Variants in SYK observed in about 807,000 individuals in gnomAD.
SYK encodes the protein tyrosine-protein kinase SYK.
A neutral mutation model predicts 77.8 loss-of-function variants in SYK; 16 were observed. That is an observed-to-expected ratio of 0.21 (90% CI 0.14 to 0.31). The LOEUF (loss-of-function observed/expected upper bound fraction) is 0.31. Among genes scored for constraint, SYK ranks in the 10% least tolerant of loss-of-function variants. SYK has a pLI of 1.00. For synonymous variants in SYK, 312 were observed against 308.7 expected (o/e 1.01, Z -0.11); for missense variants, 529 against 814.4 (o/e 0.65, Z 4.26).
At chr9:90,876,689 G>A (rs1587901547) in intron 9 of SYK, among the ~76,000 whole-genome samples, 2 of 152,188 alleles carry the variant, frequency 1.3e-5, no homozygotes, top group African/African-American at 2.4e-5. Context: ...AGGCTCTCTC[G>A]GTCAATTTGG....
chr9:90,825,300 C>T (rs1417907158), intron 1 of SYK, among the ~76,000 whole-genome samples: 1 of 152,162 alleles, frequency 6.6e-6, no homozygotes, highest in African/African-American at 2.4e-5. Context: ...TTCTGCCAAG[C>T]TTGATCTGTA....
At chr9:90,842,155 T>G (rs924622694) in intron 1 of SYK, among the ~76,000 whole-genome samples, 2 of 150,600 alleles carry the variant, frequency 1.3e-5, no homozygotes, top group African/African-American at 2.4e-5. Context: ...GCAGTGTGTG[T>G]TGTTTGTAGT....
rs2118629729 is a variant in SYK, at chr9:90,843,988, C to G, written c.90C>G (p.Val30=). 6.2e-7 allele frequency: 1 copy of G among 1,609,514 alleles called. No homozygotes were observed. The highest frequency in any genetic ancestry group is 8.5e-7 in the Non-Finnish European group (1 of 1,177,692). The change falls in exon 2 of 14, where the codon GTC becomes GTG. Residue 30 remains valine (V), a synonymous_variant. Transcript: ENST00000375754. The stretch of plus-strand genomic sequence containing the variant: ...GGGAGGAGGCAGAAGATTACCTGGT[C>G]CAGGGGGGCATGAGTGATGGGCTTT... ...ITREEAEDYL[V]QGGMSDGLYL...
Position 90,895,370 on chromosome 9 carries a change from T to G in SYK, c.1836-158T>G, listed in dbSNP as rs1019582889. Among the ~76,000 whole-genome samples, 1 of 152,170 alleles carries G rather than the reference T, an allele frequency of 6.6e-6. No homozygotes were observed. The highest frequency in any genetic ancestry group is 2.4e-5 in the African/African-American group (1 of 41,426). ...ATTTTTGACAGCCTTGTGGTCACCC[T>G]GGGGTGGGGGGCACAGGGACCACGC... On this transcript the variant is annotated intron_variant, in intron 13 of 13. Coordinates refer to ENST00000375754, the MANE Select transcript of SYK (RefSeq NM_003177.7). This position sits in a 1 kb window ranked among gnomAD's most constrained non-coding sequence, Gnocchi z 4.4.
chr9:90,862,100 G>A (rs1292608059), intron 3 of SYK, 106 bp from the exon 4 acceptor site: 2 of 1,360,840 alleles, frequency 1.5e-6, no homozygotes, highest in South Asian at 3.5e-5. Context: ...CAGGTGACAG[G>A]CCCCAGAGAG....
rs114453633 is a variant in SYK, at chr9:90,851,091, G to A, written c.578+5497G>A. ...CTTATTGTTTTTCAAACAAGAACTC[G>A]GGTGTGGAGGAGCTTGTCCAAGGCA... is the stretch of plus-strand genomic sequence containing the variant. On this transcript the variant is annotated intron_variant, in intron 3 of 13. Transcript: ENST00000375754. Among the ~76,000 whole-genome samples the A allele has an allele frequency of 2.4e-3, 359 of 152,250 alleles. 1 individual carries two copies. Among genetic ancestry groups the A allele is most frequent in the African/African-American group, 8.2e-3 (341 of 41,534 alleles).
intron 3 of SYK, among the ~76,000 whole-genome samples, chr9:90,845,982 C>T (rs1488309910): frequency 1.3e-5 from 2 of 152,204 alleles, no homozygotes; most frequent in Non-Finnish European, 2.9e-5. Flanking sequence ...TCAGACTTTA[C>T]TTCTATTTTA....
At chr9:90,854,008 C>T (rs911823748) in intron 3 of SYK, among the ~76,000 whole-genome samples, 13 of 152,182 alleles carry the variant, frequency 8.5e-5, no homozygotes, top group Non-Finnish European at 1.3e-4. Context: ...CGGTGGATGC[C>T]GAGTGGGTGT....
chr9:90,867,384 C>A (rs1827546193), intron 7 of SYK, among the ~76,000 whole-genome samples, 185 bp downstream of exon 7: 1 of 152,198 alleles, frequency 6.6e-6, no homozygotes, highest in South Asian at 2.1e-4. Context: ...ACATCATGTG[C>A]TTTTCATGTG....
Position 90,878,939 on chromosome 9 carries a change from G to A in SYK, c.1567G>A (p.Glu523Lys). 6.2e-7 allele frequency: 1 copy of A among 1,610,292 alleles called. No homozygotes were observed. The highest frequency in any genetic ancestry group is 8.5e-7 in the Non-Finnish European group (1 of 1,176,770). The stretch of plus-strand genomic sequence containing the variant: ...ACTTTCCAAAGCACTGCGTGCTGAT[G>A]AAAACTACTACAAGGTAAGTACAAC... The part of the protein sequence containing the change: ...FGLSKALRAD[E>K]NYYKAQTHGK... The change falls in exon 11 of 14, where the codon GAA becomes AAA. Residue 523 changes from glutamate to lysine, a missense_variant. This residue lies in a region of SYK where 208 missense variants were observed against 381.3 expected (regional missense o/e 0.55). Coordinates refer to ENST00000375754, the MANE Select transcript of SYK (RefSeq NM_003177.7).
rs752718360 is a variant in SYK at position 90,843,971 on chromosome 9, G to A, written c.73G>A (p.Ala25Thr). 3 of 1,599,060 alleles carry A rather than the reference G, an allele frequency of 1.9e-6. No homozygotes were observed. The highest frequency in any genetic ancestry group is 1.7e-6 in the Non-Finnish European group (2 of 1,172,324). Reference sequence around the variant, plus strand: ...TTTCGGCAACATCACCCGGGAGGAGGCAGAAGATTACCTGGTCCAGGGGGG... The same window carrying A: ...TTTCGGCAACATCACCCGGGAGGAGACAGAAGATTACCTGGTCCAGGGGGG... The part of the protein sequence containing the change: ...FFFGNITREE[A>T]EDYLVQGGMS... Residue 25 changes from alanine (A) to threonine (T), a missense_variant, in exon 2 of 14, where the codon GCA becomes ACA. By Grantham distance (58) the Ala-to-Thr change is moderately conservative. This residue lies in a region of SYK where 321 missense variants were observed against 433.1 expected (regional missense o/e 0.74). Coordinates refer to ENST00000375754, the MANE Select transcript of SYK (RefSeq NM_003177.7).
At chr9:90,844,416 C>G in intron 2 of SYK, 101 bp downstream of exon 2, 2 of 1,293,140 alleles carry the variant, frequency 1.5e-6, no homozygotes, top group Non-Finnish European at 2.1e-6. Context: ...GCCCTGTGTG[C>G]CCAAATAACA....
intron 1 of SYK, among the ~76,000 whole-genome samples, chr9:90,842,050 GGT>G (rs149321121): frequency 0.028 from 3,720 of 135,126 alleles, 173 homozygotes; most frequent in East Asian, 0.23. Context: ...ACGTGTAGTT[GGT>G]GTGTGTGATG....
chr9:90,816,066 G>A (rs1564069961), intron 1 of SYK, among the ~76,000 whole-genome samples: 1 of 152,120 alleles, frequency 6.6e-6, no homozygotes, highest in African/African-American at 2.4e-5. Flanking sequence ...TTTTTTGTTT[G>A]TTTGTTTTGT....
chr9:90,827,935 C>T (rs1407037529), intron 1 of SYK, among the ~76,000 whole-genome samples: 1 of 151,954 alleles, frequency 6.6e-6, no homozygotes, highest in Admixed American at 6.6e-5. Flanking sequence ...AGTCCTGAGT[C>T]ACCCACAATT....
Position 90,845,533 on chromosome 9 carries a change from A to G in SYK, c.517A>G (p.Ile173Val). Reference sequence around the variant, plus strand: ...AAAAATGCCTTGGTTCCATGGAAAAATCTCTCGGGAAGAATCTGAGCAAAT... The same window carrying G: ...AAAAATGCCTTGGTTCCATGGAAAAGTCTCTCGGGAAGAATCTGAGCAAAT... ...HEKMPWFHGKISREESEQIVL... is the reference protein window; with the variant it reads ...HEKMPWFHGKVSREESEQIVL... Residue 173 changes from isoleucine to valine, a missense_variant, in exon 3 of 14, where the codon ATC (isoleucine) becomes GTC (valine). By Grantham distance (29) the Ile-to-Val change is conservative (BLOSUM62 3). This residue lies in a region of SYK where 321 missense variants were observed against 433.1 expected (regional missense o/e 0.74). Transcript: ENST00000375754. The G allele has an allele frequency of 6.2e-7, 1 of 1,614,132 alleles. No individual in the cohort carries two copies. Among genetic ancestry groups the G allele is most frequent in the Non-Finnish European group, 8.5e-7 (1 of 1,180,018 alleles).
chr9:90,895,567 G>T lies in SYK; in HGVS notation c.1875G>T (p.Arg625=), dbSNP rs868378745. Reference sequence around the variant, plus strand: ...CCGGATTCGCAGCAGTGGAACTGCGGCTGCGCAATTACTACTATGACGTGG... The same window carrying T: ...CCGGATTCGCAGCAGTGGAACTGCGTCTGCGCAATTACTACTATGACGTGG... The part of the protein sequence containing the change: ...NRPGFAAVEL[R]LRNYYYDVVN Residue 625 remains arginine (R), a synonymous_variant, in exon 14 of 14, where the codon CGG becomes CGT. Transcript: ENST00000375754. The surrounding 1 kb of genome is among the most constrained non-coding windows in gnomAD (Gnocchi z 4.4). The T allele has an allele frequency of 6.2e-7, 1 of 1,614,162 alleles. No individual in the cohort carries two copies. Among genetic ancestry groups the T allele is most frequent in the Admixed American group, 1.7e-5 (1 of 60,034 alleles).
intron 1 of SYK, among the ~76,000 whole-genome samples, chr9:90,817,763 G>T (rs1825340203): frequency 6.6e-6 from 1 of 151,760 alleles, no homozygotes; most frequent in South Asian, 2.1e-4. Flanking sequence ...TCCAAGGTAG[G>T]ATCCTCATCT....
At chr9:90,884,391 ATACATACACATATGTGTATATATAC>A (rs1828344036) in intron 11 of SYK, among the ~76,000 whole-genome samples, 1 of 66,824 alleles carries the variant, frequency 1.5e-5, no homozygotes, top group Non-Finnish European at 2.9e-5. Flanking sequence ...GTATATATGC[ATACATACACATATGTGTATATATAC>A]ATACATATAC....
Sources: gnomAD v4.1 joint callset for allele counts (sites outside exome capture counted in the v4.1 genomes callset) on GRCh38, gnomAD v4.1.1 for gene constraint, gnomAD v4.1.1 regional missense constraint, Gnocchi (gnomAD v3.1) non-coding constraint, MANE v1.5 for transcripts, NCBI Gene and HGNC (gene_info 2026-07-23, HGNC 2026-07-21) for gene names.